Variants in TTC21A observed in about 807,000 individuals in gnomAD.
The protein encoded by TTC21A is tetratricopeptide repeat domain 21A, also known as tetratricopeptide repeat protein 21A.
TTC21A carries 128 observed loss-of-function variants against 156.4 expected under a neutral mutation model. That is an observed-to-expected ratio of 0.82 (90% CI 0.71 to 0.95). TTC21A has a LOEUF of 0.95. Among genes scored for constraint, TTC21A ranks in the 40% least tolerant of loss-of-function variants. The pLI is 0.00. For missense variants in TTC21A, 1,435 were observed against 1,602.3 expected, an observed-to-expected ratio of 0.90 and a Z score of 1.78; for synonymous variants, 587 against 617.1, an observed-to-expected ratio of 0.95 and a Z score of 0.72.
At chr3:39,138,070 CTG>C (rs1350750388) in intron 26 of TTC21A, 195 bp from the exon 27 acceptor site, 7 of 702,396 alleles carry the variant, frequency 1.0e-5, no homozygotes, top group Non-Finnish European at 1.6e-5. Flanking sequence ...ACGCCAGTGT[CTG>C]GGGTAGCTGA....
At position 39,130,680 on chromosome 3, in the gene TTC21A, A is replaced by G; in HGVS notation, c.2320-21A>G. The G allele has an allele frequency of 1.9e-6, 3 of 1,613,752 alleles. No individual in the cohort carries two copies. Among genetic ancestry groups the G allele is most frequent in the Non-Finnish European group, 2.5e-6 (3 of 1,179,740 alleles). On this transcript the variant is annotated intron_variant, in intron 17 of 28. Coordinates refer to ENST00000683103, the MANE Select transcript of TTC21A (RefSeq NM_001366900.1). The surrounding 1 kb of genome is among the most constrained non-coding windows in gnomAD (Gnocchi z 4.5). ...AAGGGCAGAACCAGGCCAGAGGCTA[A>G]TATTTACTGTTTGCACTAAGGCAAT...
rs1286916072 is a variant in TTC21A, at chr3:39,133,213, C to G, written c.2724C>G (p.Val908=). Residue 908 remains valine, a synonymous_variant, in exon 20 of 29, where the codon GTC becomes GTG. Coordinates refer to ENST00000683103, the MANE Select transcript of TTC21A (RefSeq NM_001366900.1). ...AGGCGGTACAGTCTTATAAGGATGT[C>G]TTCTCCTACTTGCCAACTGACAATA... ...YDKAVQSYKD[V]FSYLPTDNKV... is the part of the protein sequence containing the mutation. The G allele has an allele frequency of 6.8e-6, 11 of 1,613,708 alleles. No homozygotes were observed. The highest frequency in any genetic ancestry group is 9.3e-6 in the Non-Finnish European group (11 of 1,179,836).
intron 6 of TTC21A, among the ~76,000 whole-genome samples, chr3:39,117,037 C>T (rs2037352513): frequency 6.6e-6 from 1 of 152,098 alleles, no homozygotes; most frequent in South Asian, 2.1e-4. Flanking sequence ...GGATGCCTGT[C>T]TCAACCATTC....
At position 39,138,545 on chromosome 3, in the gene TTC21A, G is replaced by GT. The variant is rs1229165917; in HGVS notation, c.3797-10dup. ...GGGTGCCACCATCTTTGCTCTCCAT[G>GT]TCCCCGGTAGGCTTCAAACTTGCTT... is the stretch of plus-strand genomic sequence containing the variant. On this transcript the variant is annotated splice_polypyrimidine_tract_variant and intron_variant, in intron 27 of 28. Coordinates refer to ENST00000683103, the MANE Select transcript of TTC21A (RefSeq NM_001366900.1). 11 of 1,614,052 alleles carry GT rather than the reference G, an allele frequency of 6.8e-6. No homozygotes were observed. Among genetic ancestry groups the GT allele is most frequent in the Non-Finnish European group, 9.3e-6 (11 of 1,180,038 alleles).
intron 1 of TTC21A, 139 bp downstream of exon 1, chr3:39,108,003 C>T (rs1294069115): frequency 2.8e-6 from 3 of 1,054,506 alleles, no homozygotes; most frequent in South Asian, 1.4e-5. Flanking sequence ...TTGCCCCACT[C>T]CCCCTGGCAA....
At chr3:39,120,060 C>T (rs890619255) in intron 8 of TTC21A, 40 bp downstream of exon 8, 4 of 1,418,940 alleles carry the variant, frequency 2.8e-6, no homozygotes, top group Non-Finnish European at 3.0e-6. Flanking sequence ...GGTGCTTCTC[C>T]CTGCTTTCCT....
rs35645810 is a variant in TTC21A, at chr3:39,133,192, G to T, written c.2703G>T (p.Ala901=). ...TGGCAGAGAAAGAGTATGACAAGGC[G>T]GTACAGTCTTATAAGGATGTCTTCT... ...HYLAEKEYDK[A]VQSYKDVFSY... Residue 901 remains alanine, a synonymous_variant, in exon 20 of 29, where the codon GCG becomes GCT. Coordinates refer to ENST00000683103, the MANE Select transcript of TTC21A (RefSeq NM_001366900.1). 1 of 1,614,198 alleles carries T rather than the reference G, an allele frequency of 6.2e-7. No homozygotes were observed. The highest frequency in any genetic ancestry group is 1.3e-5 in the African/African-American group (1 of 75,042).
In TTC21A at chr3:39,118,080, A is replaced by G. The variant is rs766454715; in HGVS notation, c.728A>G (p.Lys243Arg). The G allele has an allele frequency of 1.9e-6, 3 of 1,613,678 alleles. No individual in the cohort carries two copies. The highest frequency in any genetic ancestry group is 2.5e-6 in the Non-Finnish European group (3 of 1,179,578). ...TVEMGHRILE[K>R]DESNIDACQI... The stretch of plus-strand genomic sequence containing the variant: ...TCTTCTTCCTTCAGAATCCTAGAAA[A>G]AGATGAGAGCAATATTGATGCCTGC... Residue 243 changes from lysine (K) to arginine (R), a missense_variant, in exon 7 of 29, where the codon AAA becomes AGA. Transcript: ENST00000683103.
At chr3:39,138,152 TG>T in intron 26 of TTC21A, 114 bp from the exon 27 acceptor site, 1 of 1,517,410 alleles carries the variant, frequency 6.6e-7, no homozygotes, top group Non-Finnish European at 8.9e-7. Context: ...GTTTGGTTTA[TG>T]GCAGCTCACT....
rs551066584 is a variant in TTC21A at position 39,114,986 on chromosome 3, G to C, written c.716+244G>C. On this transcript the variant is annotated intron_variant, in intron 6 of 28. Transcript: ENST00000683103. ...CTAAATCAAGAAACAGAGGGTAAAG[G>C]CTTATTGTTTAGAAGAGACAGGGAA... Among the ~76,000 whole-genome samples the C allele has an allele frequency of 2.2e-4, 33 of 152,244 alleles. No individual in the cohort carries two copies. In the East Asian group the frequency reaches 3.1e-3, roughly 14 times the overall value.
chr3:39,134,999 C>A lies in TTC21A; in HGVS notation c.2863-94C>A. On this transcript the variant is annotated intron_variant, in intron 21 of 28. Coordinates refer to ENST00000683103, the MANE Select transcript of TTC21A (RefSeq NM_001366900.1). The surrounding 1 kb of genome is among the most constrained non-coding windows in gnomAD (Gnocchi z 4.6). ...TGCAAGTCCTTTTCTACCTTCCCTT[C>A]TTACCACCATCACCCCCATACCCCC... 2 of 1,099,336 alleles carry A rather than the reference C, an allele frequency of 1.8e-6. No individual in the cohort carries two copies. The highest frequency in any genetic ancestry group is 2.8e-6 in the Non-Finnish European group (2 of 714,750). 68.1% of individuals were successfully genotyped at this position (1,099,336 alleles called of 1,614,324 possible).
At chr3:39,127,251 T>G (rs2038347168) in intron 12 of TTC21A, among the ~76,000 whole-genome samples, 2 of 152,174 alleles carry the variant, frequency 1.3e-5, no homozygotes, top group South Asian at 4.1e-4. Flanking sequence ...GGCTGATCTG[T>G]GGTGTTCTGG....
chr3:39,128,999 A>G, intron 14 of TTC21A, 67 bp downstream of exon 14: 1 of 1,608,190 alleles, frequency 6.2e-7, no homozygotes, highest in South Asian at 1.1e-5. Context: ...AGGCCCAGGA[A>G]CCAGGTTCTT....
intron 15 of TTC21A, 26 bp downstream of exon 15, chr3:39,129,336 C>T: frequency 2.0e-6 from 3 of 1,531,536 alleles, no homozygotes; most frequent in Non-Finnish European, 2.7e-6. Context: ...AGCACAATGA[C>T]AGCTTCTTCT....
Position 39,110,185 on chromosome 3 carries a change from A to G in TTC21A, c.268+46A>G, listed in dbSNP as rs1276250691. 4.8e-6 allele frequency: 7 copies of G among 1,444,308 alleles called. No individual in the cohort carries two copies. In the African/African-American group the frequency reaches 9.7e-5, roughly 20 times the overall value. 89.5% of individuals were successfully genotyped at this position (1,444,308 alleles called of 1,614,324 possible). A position where few individuals can be genotyped will look rare whatever the true frequency, so the allele number is the denominator to read the frequency against. ...CCAGGCCTGACCCACCAGGGGAAGG[A>G]AAGCCCTGCCCCAGAGATAACACAG... is the stretch of plus-strand genomic sequence containing the variant. On this transcript the variant is annotated intron_variant, in intron 3 of 28. Transcript: ENST00000683103.
chr3:39,110,150 C>G lies in TTC21A; in HGVS notation c.268+11C>G. ...GATGTGAAATCATTGGTGAGTGCCA[C>G]CATGCTCAACCAGGCCTGACCCACC... is the stretch of plus-strand genomic sequence containing the variant. On this transcript the variant is annotated intron_variant, in intron 3 of 28. Coordinates refer to ENST00000683103, the MANE Select transcript of TTC21A (RefSeq NM_001366900.1). The G allele has an allele frequency of 6.3e-7, 1 of 1,596,196 alleles. No individual in the cohort carries two copies. Among genetic ancestry groups the G allele is most frequent in the Non-Finnish European group, 8.6e-7 (1 of 1,164,252 alleles).
At position 39,137,079 on chromosome 3, in the gene TTC21A, A is replaced by AG. The variant is rs1312121534; in HGVS notation, c.3257+23dup. 1 of 1,612,376 alleles carries AG rather than the reference A, an allele frequency of 6.2e-7. No individual in the cohort carries two copies. The highest frequency in any genetic ancestry group is 1.1e-5 in the South Asian group (1 of 90,990). Reference sequence around the variant, plus strand: ...AGAGCAAGTAAGGGCCCATGGAGGCAGGGGCGGAACCCTGGGGAAGTTACA... The same window carrying AG: ...AGAGCAAGTAAGGGCCCATGGAGGCAGGGGGCGGAACCCTGGGGAAGTTACA... On this transcript the variant is annotated intron_variant, in intron 24 of 28. Transcript: ENST00000683103.
intron 9 of TTC21A, among the ~76,000 whole-genome samples, chr3:39,124,591 G>A (rs956724366): frequency 6.5e-5 from 9 of 138,684 alleles, no homozygotes; most frequent in African/African-American, 1.0e-4. Flanking sequence ...CCTGAGGGGC[G>A]GAGGTTGCAG....
chr3:39,132,145 A>T (rs995169936), intron 19 of TTC21A, among the ~76,000 whole-genome samples: 5 of 152,204 alleles, frequency 3.3e-5, no homozygotes, highest in African/African-American at 9.7e-5. Flanking sequence ...TTGTAGCATC[A>T]TGGTAAGTAT....
Sources: gnomAD v4.1 joint callset for allele counts (sites outside exome capture counted in the v4.1 genomes callset) on GRCh38, gnomAD v4.1.1 for gene constraint, Gnocchi (gnomAD v3.1) non-coding constraint, MANE v1.5 for transcripts, NCBI Gene and HGNC (gene_info 2026-07-23, HGNC 2026-07-21) for gene names.